DMD: variants seen among roughly 807,000 people sequenced by gnomAD.
DMD encodes the protein dystrophin.
DMD carries 63 observed loss-of-function variants against 330.1 expected under a neutral mutation model. The observed-to-expected ratio is 0.19, with a 90% confidence interval of 0.16 to 0.24. DMD has a LOEUF of 0.24. Ranked by LOEUF, DMD falls within the 10% of genes least tolerant of loss-of-function variation. DMD has a pLI of 1.00. For missense variants in DMD, 3,344 were observed against 2,684.1 expected (o/e 1.25, Z -5.43); for synonymous variants, 1,223 against 959.8 (o/e 1.27, Z -5.07).
At chrX:33,154,731 T>G (rs947140426) in intron 1 of DMD, among the ~76,000 whole-genome samples, 1 of 111,499 alleles carries the variant, frequency 9.0e-6, no homozygotes, top group Non-Finnish European at 1.9e-5. Flanking sequence ...GCTTTCTACA[T>G]AAACTCTATT....
At chrX:32,273,499 C>CT (rs11364033) in intron 43 of DMD, among the ~76,000 whole-genome samples, 6,185 of 102,189 alleles carry the variant, frequency 0.061, 242 homozygotes, top group Non-Finnish European at 0.093. Flanking sequence ...TTCCAATATT[C>CT]TTTTTTTTTT....
At chrX:32,634,131 A>C (rs2058928954) in intron 11 of DMD, among the ~76,000 whole-genome samples, 1 of 111,619 alleles carries the variant, frequency 9.0e-6, no homozygotes, top group African/African-American at 3.3e-5. Context: ...GTCTCTCCTC[A>C]TGGCCACGAC....
At chrX:31,890,908 T>A (rs1281353956) in intron 47 of DMD, among the ~76,000 whole-genome samples, 5 of 111,794 alleles carry the variant, frequency 4.5e-5, no homozygotes, top group African/African-American at 6.5e-5. Flanking sequence ...ATAAAAAAAA[T>A]TTTCTATCAA....
At chrX:31,266,986 G>A in intron 62 of DMD, 1 of 855,341 alleles carries the variant, frequency 1.2e-6, no homozygotes, top group Non-Finnish European at 1.6e-6. Flanking sequence ...CCGGGGAGGG[G>A]GCGCTGCGGG....
At chrX:32,922,228 T>C (rs1296770657) in intron 2 of DMD, among the ~76,000 whole-genome samples, 1 of 110,551 alleles carries the variant, frequency 9.0e-6, no homozygotes, top group South Asian at 3.9e-4. Context: ...CCCTTTCAAG[T>C]ATGAAAATTC....
intron 67 of DMD, among the ~76,000 whole-genome samples, chrX:31,189,330 G>A (rs996790458): frequency 4.5e-5 from 5 of 110,954 alleles, no homozygotes; most frequent in African/African-American, 9.9e-5. Flanking sequence ...CTGGCCCGCC[G>A]CAGCCCCACT....
chrX:32,288,602 C>T (rs1273896111), intron 42 of DMD, among the ~76,000 whole-genome samples: 6 of 111,953 alleles, frequency 5.4e-5, no homozygotes, highest in Non-Finnish European at 3.8e-5. Context: ...TAATTGGGAT[C>T]ATATCACTCC....
intron 13 of DMD, among the ~76,000 whole-genome samples, chrX:32,589,327 T>C (rs1161482706): frequency 9.0e-6 from 1 of 111,372 alleles, no homozygotes; most frequent in Non-Finnish European, 1.9e-5. Context: ...CTAGACACTA[T>C]ATCACAGTCT....
chrX:32,324,306 G>T (rs2097638914), intron 41 of DMD, among the ~76,000 whole-genome samples: 1 of 111,112 alleles, frequency 9.0e-6, no homozygotes, highest in Non-Finnish European at 1.9e-5. Flanking sequence ...AAATTATCTA[G>T]TTTAAAATGC....
At chrX:32,067,352 C>CT (rs928919387) in intron 44 of DMD, among the ~76,000 whole-genome samples, 23 of 109,163 alleles carry the variant, frequency 2.1e-4, no homozygotes, top group Middle Eastern at 4.7e-3. Context: ...TATATGACAT[C>CT]TTTTTTTTTC....
chrX:32,836,222 G>A (rs992562561), intron 4 of DMD, among the ~76,000 whole-genome samples: 1 of 108,849 alleles, frequency 9.2e-6, no homozygotes, highest in African/African-American at 3.4e-5. Flanking sequence ...AGTAGAGACG[G>A]GGTTTTGCCA....
intron 9 of DMD, among the ~76,000 whole-genome samples, chrX:32,693,491 A>AG (rs1393456597): frequency 1.8e-5 from 2 of 111,814 alleles, no homozygotes; most frequent in African/African-American, 6.5e-5. Flanking sequence ...CCCAGGCTGG[A>AG]GTGCAGTGGC....
At chrX:31,268,736 C>T (rs2051382806) in intron 62 of DMD, among the ~76,000 whole-genome samples, 1 of 112,143 alleles carries the variant, frequency 8.9e-6, no homozygotes, top group Non-Finnish European at 1.9e-5. Flanking sequence ...TTTATTTCAA[C>T]GAAAAGACAG....
chrX:32,919,473 G>T (rs1455952963), intron 2 of DMD, among the ~76,000 whole-genome samples: 2 of 111,979 alleles, frequency 1.8e-5, no homozygotes, highest in Non-Finnish European at 3.8e-5. Flanking sequence ...TGCCATAAAT[G>T]TAAGAACATA....
At chrX:32,821,596 A>G (rs1603440782) in intron 5 of DMD, among the ~76,000 whole-genome samples, 1 of 108,548 alleles carries the variant, frequency 9.2e-6, no homozygotes, top group East Asian at 2.8e-4. Flanking sequence ...TCAAAATAAA[A>G]ATAAAAAAAA....
intron 62 of DMD, among the ~76,000 whole-genome samples, chrX:31,323,013 C>T (rs1377959497): frequency 8.9e-6 from 1 of 112,012 alleles, no homozygotes; most frequent in African/African-American, 3.2e-5. Flanking sequence ...CAAAATACTA[C>T]AGAAGGTGCT....
intron 43 of DMD, among the ~76,000 whole-genome samples, chrX:32,259,405 T>A (rs1390061193): frequency 9.0e-6 from 1 of 111,264 alleles, no homozygotes; most frequent in East Asian, 2.8e-4. Context: ...ACAAATACCC[T>A]ATATTGTATA....
intron 44 of DMD, among the ~76,000 whole-genome samples, chrX:32,001,455 A>T (rs1490960833): frequency 9.1e-6 from 1 of 110,102 alleles, no homozygotes; most frequent in African/African-American, 3.3e-5. Context: ...TTAGGGGCAC[A>T]GATTTCTAAA....
chrX:33,251,834 T>A (rs1395010121), intron 1 of DMD, among the ~76,000 whole-genome samples: 2 of 111,682 alleles, frequency 1.8e-5, no homozygotes, highest in African/African-American at 6.5e-5. Context: ...GTGAAATAAA[T>A]AAATAAGGAA....
Sources: gnomAD v4.1 joint callset for allele counts (sites outside exome capture counted in the v4.1 genomes callset) on GRCh38, gnomAD v4.1.1 for gene constraint, MANE v1.5 for transcripts, NCBI Gene and HGNC (gene_info 2026-07-23, HGNC 2026-07-21) for gene names.